Variants in SLC44A2 observed in about 807,000 individuals in gnomAD.
The protein encoded by SLC44A2 is solute carrier family 44 member 2 (CTL2 blood group).
Under a neutral mutation model 90.8 loss-of-function variants are expected in SLC44A2, and 57 were observed. The ratio of observed to expected loss-of-function variants is 0.63; its 90% CI spans 0.51 to 0.78. SLC44A2 has a LOEUF of 0.78. Ranked by LOEUF, SLC44A2 falls within the 30% of genes least tolerant of loss-of-function variation. SLC44A2 has a pLI of 0.00. For missense variants in SLC44A2, 794 were observed against 919.7 expected (o/e 0.86, Z 1.77); for synonymous variants, 355 against 360.7 (o/e 0.98, Z 0.18).
At position 10,636,602 on chromosome 19, in the gene SLC44A2, G is replaced by A; in HGVS notation, c.1496+17G>A. 2 of 1,604,494 alleles carry A rather than the reference G, an allele frequency of 1.2e-6. No homozygotes were observed. Among genetic ancestry groups the A allele is most frequent in the South Asian group, 2.2e-5 (2 of 90,794 alleles). ...GGCGCTCAGGTGGGCTGGCGTTGCA[G>A]GCAGGATGGGGTGGAGGACGAGGCC... On this transcript the variant is annotated intron_variant, in intron 15 of 21. Transcript: ENST00000335757.
Position 10,634,137 on chromosome 19 carries a change from ATTTTTTTTTTT to A in SLC44A2, c.824-605_824-595del, listed in dbSNP as rs1177075276. ...TGGCGCCCACCACCACGCCCAGCTA[ATTTTTTTTTTT>A]TTTTTTTTTTTTTGTATTTTTAGTA... On this transcript the variant is annotated intron_variant, in intron 10 of 21. Transcript: ENST00000335757. Among the ~76,000 whole-genome samples the A allele has an allele frequency of 5.4e-4, 43 of 80,312 alleles. No homozygotes were observed. The East Asian group carries it at 0.014, about 26-fold the overall frequency. The allele number at this position is 80,312 out of a possible 152,430, so 52.7% of individuals were successfully genotyped here. A position where few individuals can be genotyped will look rare whatever the true frequency, so the allele number is the denominator to read the frequency against.
chr19:10,609,941 G>A (rs1016312921), intron 1 of SLC44A2, among the ~76,000 whole-genome samples: 1 of 152,024 alleles, frequency 6.6e-6, no homozygotes, highest in Admixed American at 6.6e-5. Context: ...GAATAGCTGG[G>A]ATTATAGGCA....
intron 21 of SLC44A2, chr19:10,642,937 C>T: frequency 3.1e-6 from 5 of 1,595,068 alleles, no homozygotes; most frequent in African/African-American, 1.3e-5. Flanking sequence ...AGGAGCGACC[C>T]TACTTCATGT....
Position 10,627,730 on chromosome 19 carries a change from C to G in SLC44A2, c.95C>G (p.Thr32Arg), listed in dbSNP as rs753124039. ...GCCCCTCTGCTCCCCAGGGGCTGCA[C>G]GGATATCATATGCTGTGTGTTCCTG... Reference protein sequence around the residue: ...FKGPIYNRGCTDIICCVFLLL... With the variant: ...FKGPIYNRGCRDIICCVFLLL... Residue 32 changes from threonine to arginine, a missense_variant, in exon 3 of 22, where the codon ACG becomes AGG. Physicochemically the swap from Thr to Arg is moderately conservative, Grantham distance 71. Coordinates refer to ENST00000335757, the MANE Select transcript of SLC44A2 (RefSeq NM_020428.4). The G allele has an allele frequency of 6.2e-7, 1 of 1,613,294 alleles. No homozygotes were observed. Among genetic ancestry groups the G allele is most frequent in the Non-Finnish European group, 8.5e-7 (1 of 1,179,946 alleles).
At chr19:10,616,207 T>G (rs1394639838) in intron 1 of SLC44A2, among the ~76,000 whole-genome samples, 2 of 152,002 alleles carry the variant, frequency 1.3e-5, no homozygotes, top group Admixed American at 1.3e-4. Context: ...TTTATTTATT[T>G]ATTGAAACAG....
At position 10,643,649 on chromosome 19, in the gene SLC44A2, A is replaced by T. The variant is rs1042357286; in HGVS notation, c.*264A>T. On this transcript the variant is annotated 3_prime_UTR_variant, in exon 22 of 22. Coordinates refer to ENST00000335757, the MANE Select transcript of SLC44A2 (RefSeq NM_020428.4). Reference sequence around the variant, plus strand: ...CCATTGGGGCCTCTTGATGTCTGGGATGGCACGTGGCCCGACCTCCACAAG... The same window carrying T: ...CCATTGGGGCCTCTTGATGTCTGGGTTGGCACGTGGCCCGACCTCCACAAG... 1 of 318,740 alleles carries T rather than the reference A, an allele frequency of 3.1e-6. No individual in the cohort carries two copies. Among genetic ancestry groups the T allele is most frequent in the Admixed American group, 4.7e-5 (1 of 21,488 alleles). 19.7% of individuals were successfully genotyped at this position (318,740 alleles called of 1,614,324 possible).
chr19:10,606,863 A>ATG (rs1461033748), intron 1 of SLC44A2, among the ~76,000 whole-genome samples: 1 of 108,526 alleles, frequency 9.2e-6, no homozygotes, highest in African/African-American at 3.2e-5. Context: ...ACATACACAT[A>ATG]TATATGTATG....
At chr19:10,619,978 C>T (rs1751594489) in intron 1 of SLC44A2, among the ~76,000 whole-genome samples, 1 of 151,822 alleles carries the variant, frequency 6.6e-6, no homozygotes, top group Non-Finnish European at 1.5e-5. Flanking sequence ...AAATCTCCAA[C>T]CTGGGCAACA....
At chr19:10,616,944 T>C (rs1165256712) in intron 1 of SLC44A2, among the ~76,000 whole-genome samples, 1 of 151,796 alleles carries the variant, frequency 6.6e-6, no homozygotes, top group African/African-American at 2.4e-5. Flanking sequence ...TTTTTTGAGA[T>C]GGAGTCTTGC....
At chr19:10,617,675 G>A (rs1318646698) in intron 1 of SLC44A2, among the ~76,000 whole-genome samples, 1 of 152,138 alleles carries the variant, frequency 6.6e-6, no homozygotes, top group Non-Finnish European at 1.5e-5. Flanking sequence ...AACCTAGACT[G>A]GGAACGGACC....
intron 1 of SLC44A2, among the ~76,000 whole-genome samples, chr19:10,612,232 C>T (rs1341293068): frequency 2.0e-5 from 3 of 151,556 alleles, no homozygotes; most frequent in Non-Finnish European, 2.9e-5. Context: ...ATTAGCGGGG[C>T]GTGGTGGTGC....
Position 10,625,591 on chromosome 19 carries a change from G to C in SLC44A2, c.-43G>C. 1 of 1,240,034 alleles carries C rather than the reference G, an allele frequency of 8.1e-7. No homozygotes were observed. The highest frequency in any genetic ancestry group is 1.0e-6 in the Non-Finnish European group (1 of 988,976). 76.8% of individuals were successfully genotyped at this position (1,240,034 alleles called of 1,614,324 possible). A position where few individuals can be genotyped will look rare whatever the true frequency, so the allele number is the denominator to read the frequency against. ...AGACTCGGGAGGGTCGAGGGGGCGC[G>C]GGAGAGAGCGCGGGCGGCCGCCGGG... On this transcript the variant is annotated 5_prime_UTR_variant, in exon 1 of 22. Coordinates refer to ENST00000335757, the MANE Select transcript of SLC44A2 (RefSeq NM_020428.4).
chr19:10,613,887 G>A (rs1416275297), intron 1 of SLC44A2, among the ~76,000 whole-genome samples: 2 of 152,098 alleles, frequency 1.3e-5, no homozygotes, highest in Non-Finnish European at 1.5e-5. Flanking sequence ...CCTACACATC[G>A]ATTGTAGCCC....
chr19:10,643,483 T>C lies in SLC44A2; in HGVS notation c.*98T>C, dbSNP rs2067140132. 8.8e-6 allele frequency: 12 copies of C among 1,365,268 alleles called. No homozygotes were observed. Among genetic ancestry groups the C allele is most frequent in the Non-Finnish European group, 1.2e-5 (12 of 1,006,938 alleles). The allele number at this position is 1,365,268 out of a possible 1,614,324, so 84.6% of individuals were successfully genotyped here. ...CCCCTTGGGCTCACCTGAAGTCCTA[T>C]CACTGCCGCTCTGCCCCTCCCCATG... On this transcript the variant is annotated 3_prime_UTR_variant, in exon 22 of 22. Coordinates refer to ENST00000335757, the MANE Select transcript of SLC44A2 (RefSeq NM_020428.4).
chr19:10,631,390 GT>G lies in SLC44A2; in HGVS notation c.441+7del. The G allele has an allele frequency of 6.2e-7, 1 of 1,614,158 alleles. No homozygotes were observed. The highest frequency in any genetic ancestry group is 8.5e-7 in the Non-Finnish European group (1 of 1,180,008). ...CCTGGCTTCAAGAACAATAAAGTGA[GT>G]TGTAGACTGTCCTGAGAGCACAGGT... On this transcript the variant is annotated splice_donor_region_variant and intron_variant, in intron 6 of 21. Transcript: ENST00000335757.
intron 4 of SLC44A2, among the ~76,000 whole-genome samples, chr19:10,628,942 G>A (rs900018106): frequency 4.6e-5 from 7 of 152,038 alleles, no homozygotes; most frequent in African/African-American, 1.7e-4. Context: ...GCATCGCTGG[G>A]CGTGGTGGCT....
rs948387918 is a variant in SLC44A2, at chr19:10,634,748, C to G, written c.824-8C>G. 2 of 1,614,132 alleles carry G rather than the reference C, an allele frequency of 1.2e-6. No homozygotes were observed. Among genetic ancestry groups the G allele is most frequent in the Admixed American group, 1.7e-5 (1 of 60,014 alleles). On this transcript the variant is annotated splice_polypyrimidine_tract_variant and splice_region_variant and intron_variant, in intron 10 of 21. Coordinates refer to ENST00000335757, the MANE Select transcript of SLC44A2 (RefSeq NM_020428.4). ...CTGCTGGACTGAGCTTGTGGTTCCC[C>G]CATGCAGGAATATTTCACTGCTACA...
Position 10,643,533 on chromosome 19 carries a change from C to A in SLC44A2, c.*148C>A, listed in dbSNP as rs548579530. ...GAGCCAGATCCCACCAGTTTCTGGA[C>A]GTGGAGAGTCTGGGGCATCTCCTTC... On this transcript the variant is annotated 3_prime_UTR_variant, in exon 22 of 22. Transcript: ENST00000335757. The A allele has an allele frequency of 3.2e-6, 3 of 944,780 alleles. No individual in the cohort carries two copies. The highest frequency in any genetic ancestry group is 4.6e-6 in the Non-Finnish European group (3 of 658,958). 58.5% of individuals were successfully genotyped at this position (944,780 alleles called of 1,614,324 possible). A position where few individuals can be genotyped will look rare whatever the true frequency, so the allele number is the denominator to read the frequency against.
intron 16 of SLC44A2, 21 bp downstream of exon 16, chr19:10,636,777 G>T: frequency 6.2e-7 from 1 of 1,607,338 alleles, no homozygotes; most frequent in Non-Finnish European, 8.5e-7. Flanking sequence ...CCCACGGTTC[G>T]CATTAGCTCC....
Sources: allele counts gnomAD v4.1 joint callset (sites outside exome capture counted in the v4.1 genomes callset), GRCh38; gene constraint gnomAD v4.1.1; transcripts MANE v1.5; gene names NCBI Gene and HGNC (gene_info 2026-07-23, HGNC 2026-07-21).